ACSM3: variants seen among roughly 807,000 people sequenced by gnomAD.
ACSM3 encodes acyl-CoA synthetase medium chain family member 3, also known as acyl-coenzyme A synthetase ACSM3, mitochondrial.
Under a neutral mutation model 74.1 loss-of-function variants are expected in ACSM3, and 61 were observed. The observed-to-expected ratio is 0.82, with a 90% CI of 0.67 to 1.02. The LOEUF is 1.02. Among genes scored for constraint, ACSM3 ranks in the 50% least tolerant of loss-of-function variants. The probability of loss-of-function intolerance (pLI) is 0.00; values close to 1 mark genes in which losing one functional copy is unlikely to be tolerated. For missense variants in ACSM3, 660 were observed against 697.0 expected (o/e 0.95, Z 0.60); for synonymous variants, 213 against 241.5 (o/e 0.88, Z 1.09).
intron 1 of ACSM3, among the ~76,000 whole-genome samples, chr16:20,742,964 G>A (rs2079941589): frequency 7.4e-6 from 1 of 135,158 alleles, no homozygotes; most frequent in Non-Finnish European, 1.6e-5. Context: ...TTTTTGAGAT[G>A]GAGTCTCGCT....
At chr16:20,715,530 G>T (rs2079758684) in intron 1 of ACSM3, among the ~76,000 whole-genome samples, 1 of 151,890 alleles carries the variant, frequency 6.6e-6, no homozygotes, top group Admixed American at 6.6e-5. Context: ...GTTGAACCTG[G>T]GATGTGGAGG....
chr16:20,761,202 AG>A (rs2080074147), upstream of ACSM3, among the ~76,000 whole-genome samples: 1 of 151,586 alleles, frequency 6.6e-6, no homozygotes, highest in Admixed American at 6.6e-5. Flanking sequence ...TCCACCTCCC[AG>A]GTTTGAGCAA....
chr16:20,757,276 G>A (rs1330398540), intron 3 of ACSM3, among the ~76,000 whole-genome samples: 2 of 151,406 alleles, frequency 1.3e-5, no homozygotes, highest in Non-Finnish European at 3.0e-5. Flanking sequence ...AGCATGGAAT[G>A]TTCTTCCATT....
chr16:20,721,528 A>T (rs1176060197), intron 1 of ACSM3: 1 of 152,212 alleles, frequency 6.6e-6, no homozygotes, highest in African/African-American at 2.4e-5. Context: ...CTCCTGCTAC[A>T]ACTGTAGTGC....
chr16:20,717,956 G>GGAAGAAGAAGAAGAAGAAGAAGAAGAA (rs746227909), intron 1 of ACSM3, among the ~76,000 whole-genome samples: 2 of 74,454 alleles, frequency 2.7e-5, no homozygotes, highest in East Asian at 4.1e-4. Context: ...AAGAGGAAGA[G>GGAAGAAGAAGAAGAAGAAGAAGAAGAA]GAAGAAGAAG....
intron 2 of ACSM3, among the ~76,000 whole-genome samples, chr16:20,751,039 A>G (rs889810862): frequency 6.6e-6 from 1 of 151,980 alleles, no homozygotes; most frequent in Non-Finnish European, 1.5e-5. Context: ...TCAGGGTTTC[A>G]CTATGGTGGC....
At chr16:20,747,294 C>G (rs2079961802) in intron 1 of ACSM3, among the ~76,000 whole-genome samples, 3 of 152,190 alleles carry the variant, frequency 2.0e-5, no homozygotes, top group African/African-American at 7.2e-5. Context: ...AATTATTTTG[C>G]AAAGTTTTAT....
At chr16:20,717,744 C>CT (rs35055116) in intron 1 of ACSM3, among the ~76,000 whole-genome samples, 1 of 151,252 alleles carries the variant, frequency 6.6e-6, no homozygotes, top group Non-Finnish European at 1.5e-5. Context: ...AATGCATGTC[C>CT]TTTTGTTATT....
In ACSM3 at chr16:20,725,162, T is replaced by C. The variant is rs573301579; in HGVS notation, c.-189-24748T>C. Reference sequence around the variant, plus strand: ...CAAGGCTACAGTAACCAAAACAGCATGGTACTGGTACCAAAACAGAGATAT... The same window carrying C: ...CAAGGCTACAGTAACCAAAACAGCACGGTACTGGTACCAAAACAGAGATAT... On this transcript the variant is annotated intron_variant, in intron 1 of 3. Transcript: ENST00000561584. Among the ~76,000 whole-genome samples the C allele has an allele frequency of 2.3e-3, 350 of 152,292 alleles. 1 individual carries two copies. Among genetic ancestry groups the C allele is most frequent in the African/African-American group, 8.0e-3 (334 of 41,570 alleles).
intron 1 of ACSM3, among the ~76,000 whole-genome samples, chr16:20,768,364 C>T (rs1362632037): frequency 6.6e-6 from 1 of 152,196 alleles, no homozygotes; most frequent in South Asian, 2.1e-4. Flanking sequence ...GCTTTTCACA[C>T]TTGAATGTAC....
chr16:20,755,564 T>C (rs2080022407), intron 2 of ACSM3: 1 of 151,846 alleles, frequency 6.6e-6, no homozygotes, highest in Non-Finnish European at 1.5e-5. Flanking sequence ...TATTTCATCT[T>C]CATTCCAGTT....
chr16:20,755,059 C>T (rs2080018340), intron 2 of ACSM3, among the ~76,000 whole-genome samples: 1 of 152,102 alleles, frequency 6.6e-6, no homozygotes, highest in South Asian at 2.1e-4. Context: ...GAACTCTAGT[C>T]CCCACCCAAC....
intron 9 of ACSM3, among the ~76,000 whole-genome samples, chr16:20,787,844 G>C (rs187567880): frequency 1.7e-3 from 259 of 152,282 alleles, no homozygotes; most frequent in Middle Eastern, 3.4e-3. Flanking sequence ...TGACCAACCT[G>C]TCTGTTTGCC....
intron 9 of ACSM3, among the ~76,000 whole-genome samples, chr16:20,787,378 C>T (rs1466204072): frequency 1.3e-5 from 2 of 152,118 alleles, no homozygotes; most frequent in Non-Finnish European, 2.9e-5. Flanking sequence ...CCCATCTGTA[C>T]GTTAAGAGAC....
At chr16:20,715,812 G>A (rs928948085) in intron 1 of ACSM3, among the ~76,000 whole-genome samples, 50 of 152,154 alleles carry the variant, frequency 3.3e-4, no homozygotes, top group African/African-American at 1.2e-3. Context: ...CCAGCACTTA[G>A]TGGTGTAAAC....
At chr16:20,782,009 G>A (rs1367439541) in intron 7 of ACSM3, among the ~76,000 whole-genome samples, 1 of 152,170 alleles carries the variant, frequency 6.6e-6, no homozygotes, top group Non-Finnish European at 1.5e-5. Context: ...GTTCAGCTAT[G>A]TTTATAGCTC....
intron 6 of ACSM3, among the ~76,000 whole-genome samples, chr16:20,781,405 C>A (rs1038756538): frequency 1.3e-5 from 2 of 152,026 alleles, no homozygotes; most frequent in Admixed American, 6.6e-5. Context: ...ATAAAAAATA[C>A]CATGTAACAA....
In ACSM3 at chr16:20,780,996, T is replaced by G. The variant is rs1459970056; in HGVS notation, c.805T>G (p.Ser269Ala). 1.9e-6 allele frequency: 3 copies of G among 1,614,120 alleles called. No homozygotes were observed. In the African/African-American group the frequency reaches 4.0e-5, roughly 22 times the overall value. ...CAGGTTCTGGCTAGATTTGACACCC[T>G]CAGATGTGATGTGGAATACCTCAGA... ...NGRFWLDLTP[S>A]DVMWNTSDTG... The change falls in exon 6 of 14, where the codon TCA becomes GCA. Residue 269 changes from serine (S) to alanine (A), a missense_variant. Transcript: ENST00000289416.
intron 2 of ACSM3, among the ~76,000 whole-genome samples, chr16:20,773,051 C>T (rs2080212750): frequency 1.3e-5 from 2 of 150,772 alleles, no homozygotes; most frequent in Non-Finnish European, 3.0e-5. Flanking sequence ...TTTTTTATTA[C>T]TGATTCAATC....
Sources: allele counts gnomAD v4.1 joint callset (sites outside exome capture counted in the v4.1 genomes callset), GRCh38; gene constraint gnomAD v4.1.1; transcripts MANE v1.5; gene names NCBI Gene and HGNC (gene_info 2026-07-23, HGNC 2026-07-21).